GABRG3: variants seen among roughly 807,000 people sequenced by gnomAD.
The protein encoded by GABRG3 is gamma-aminobutyric acid type A receptor subunit gamma3, also known as gamma-aminobutyric acid receptor subunit gamma-3.
GABRG3 carries 25 observed loss-of-function variants against 48.8 expected under a neutral mutation model. The ratio of observed to expected loss-of-function variants is 0.51; its 90% confidence interval spans 0.37 to 0.72. The LOEUF is 0.72. Among genes scored for constraint, GABRG3 ranks in the 30% least tolerant of loss-of-function variants. GABRG3 has a pLI of 0.00. For missense variants in GABRG3, 394 were observed against 577.9 expected (o/e 0.68, Z 3.26); for synonymous variants, 227 against 217.6 (o/e 1.04, Z -0.38).
intron 3 of GABRG3, among the ~76,000 whole-genome samples, chr15:27,120,171 G>GATGCCAGATCTGCTTTTAC (rs1203888302): frequency 1.8e-4 from 28 of 152,334 alleles, no homozygotes; most frequent in Non-Finnish European, 3.1e-4. Flanking sequence ...TAGAAAGCCT[G>GATGCCAGATCTGCTTTTAC]ATGCCAGATC....
chr15:27,206,317 G>A (rs980527721), intron 3 of GABRG3, among the ~76,000 whole-genome samples: 1 of 152,132 alleles, frequency 6.6e-6, no homozygotes, highest in African/African-American at 2.4e-5. Context: ...TTACCCAAAA[G>A]TCATTCGGGG....
At chr15:27,398,268 A>G (rs1887374867) in intron 5 of GABRG3, among the ~76,000 whole-genome samples, 1 of 152,234 alleles carries the variant, frequency 6.6e-6, no homozygotes, top group Admixed American at 6.5e-5. Flanking sequence ...TGCCTGATAC[A>G]TACATATTTA....
At chr15:27,514,073 A>G (rs58745955) in intron 6 of GABRG3, among the ~76,000 whole-genome samples, 7,714 of 152,298 alleles carry the variant, frequency 0.051, 662 homozygotes, top group African/African-American at 0.18. Flanking sequence ...TCCAATCAAA[A>G]TACCAACAGT....
At chr15:27,512,778 G>A (rs975343020) in intron 6 of GABRG3, among the ~76,000 whole-genome samples, 2 of 152,126 alleles carry the variant, frequency 1.3e-5, no homozygotes, top group African/African-American at 4.8e-5. Context: ...GATGGCCAGG[G>A]GCTCCAGAAA....
rs556783289 is a variant in GABRG3 at position 27,030,435 on chromosome 15, A to T, written c.270+3614A>T. 2.0e-5 allele frequency among the ~76,000 whole-genome samples: 3 copies of T among 152,280 alleles called. No homozygotes were observed. The East Asian group carries it at 5.8e-4, about 29-fold the overall frequency. On this transcript the variant is annotated intron_variant, in intron 3 of 9. Coordinates refer to ENST00000615808, the MANE Select transcript of GABRG3 (RefSeq NM_033223.5). ...TTAATAGATTATCTTTGTCTTGTTT[A>T]TCCTGGAGCTGTTTATGCTTTTTCT...
At chr15:27,229,386 T>C (rs961741813) in intron 3 of GABRG3, among the ~76,000 whole-genome samples, 12 of 152,216 alleles carry the variant, frequency 7.9e-5, no homozygotes, top group African/African-American at 2.9e-4. Flanking sequence ...TCAGATGCTA[T>C]AGATGTGCAG....
At chr15:27,306,528 A>G (rs1013780792) in intron 3 of GABRG3, among the ~76,000 whole-genome samples, 4 of 138,022 alleles carry the variant, frequency 2.9e-5, no homozygotes, top group Non-Finnish European at 6.1e-5. Flanking sequence ...TATATAATAT[A>G]AACATAAACA....
chr15:27,088,919 C>G (rs1172065489), intron 3 of GABRG3, among the ~76,000 whole-genome samples: 1 of 152,028 alleles, frequency 6.6e-6, no homozygotes, highest in Non-Finnish European at 1.5e-5. Context: ...GGATCACAGC[C>G]TTGGCTGGGA....
chr15:27,234,372 T>A (rs945731384), intron 3 of GABRG3, among the ~76,000 whole-genome samples: 1 of 152,288 alleles, frequency 6.6e-6, no homozygotes, highest in Middle Eastern at 3.4e-3. Context: ...TGACTGGTGA[T>A]CTTTGGAGGT....
At chr15:27,433,473 A>AT (rs1415090774) in intron 5 of GABRG3, among the ~76,000 whole-genome samples, 2 of 152,074 alleles carry the variant, frequency 1.3e-5, no homozygotes, top group Non-Finnish European at 2.9e-5. Flanking sequence ...GCCTTGGCTA[A>AT]TTTTCAGAGT....
At chr15:27,161,418 GT>G (rs1887183045) in intron 3 of GABRG3, 1 of 152,118 alleles carries the variant, frequency 6.6e-6, no homozygotes, top group African/African-American at 2.4e-5. Context: ...CAGCCAACCA[GT>G]TTGTGCCACA....
intron 5 of GABRG3, among the ~76,000 whole-genome samples, chr15:27,329,342 C>T (rs1893727455): frequency 6.6e-6 from 1 of 152,142 alleles, no homozygotes; most frequent in African/African-American, 2.4e-5. Context: ...TAGCTGACTG[C>T]AACCTCTGCC....
intron 5 of GABRG3, among the ~76,000 whole-genome samples, chr15:27,426,564 C>G (rs1440854584): frequency 6.6e-6 from 1 of 152,128 alleles, no homozygotes; most frequent in Non-Finnish European, 1.5e-5. Flanking sequence ...CCAGTAATCC[C>G]AGCACTTCGG....
At chr15:27,004,540 CG>C (rs1021352404) in intron 2 of GABRG3, among the ~76,000 whole-genome samples, 1 of 151,480 alleles carries the variant, frequency 6.6e-6, no homozygotes, top group African/African-American at 2.4e-5. Flanking sequence ...ACTTCCCAGA[CG>C]GGGTGGCGGC....
At chr15:27,119,775 T>C (rs942475375) in intron 3 of GABRG3, among the ~76,000 whole-genome samples, 2 of 152,218 alleles carry the variant, frequency 1.3e-5, no homozygotes, top group African/African-American at 4.8e-5. Context: ...CAGCCACTGC[T>C]CTCAGCTCCC....
Position 26,971,447 on chromosome 15 carries a change from CAA to C in GABRG3, c.-87_-86del. ...CCAGCAGCCTCGGAGGAAGCCAGGG[CAA>C]AGAGGGCCGGCGGAGACCAGGTCCG... On this transcript the variant is annotated 5_prime_UTR_variant, in exon 1 of 10. Transcript: ENST00000615808. 1 of 1,136,354 alleles carries C rather than the reference CAA, an allele frequency of 8.8e-7. No individual in the cohort carries two copies. The highest frequency in any genetic ancestry group is 1.2e-6 in the Non-Finnish European group (1 of 845,056). The allele number at this position is 1,136,354 out of a possible 1,614,324, so 70.4% of individuals were successfully genotyped here. A position where few individuals can be genotyped will look rare whatever the true frequency, so the allele number is the denominator to read the frequency against.
intron 3 of GABRG3, among the ~76,000 whole-genome samples, chr15:27,151,603 G>A (rs925659700): frequency 6.6e-6 from 1 of 152,094 alleles, no homozygotes; most frequent in African/African-American, 2.4e-5. Context: ...TGAATTTCTT[G>A]GTTGACCCAA....
intron 3 of GABRG3, among the ~76,000 whole-genome samples, chr15:27,100,950 C>T (rs1222343448): frequency 6.6e-6 from 1 of 152,098 alleles, no homozygotes; most frequent in Non-Finnish European, 1.5e-5. Flanking sequence ...CAATGTCGCA[C>T]TGGAAGTCCT....
chr15:27,107,547 G>A (rs1475813693), intron 3 of GABRG3, among the ~76,000 whole-genome samples: 1 of 151,826 alleles, frequency 6.6e-6, no homozygotes, highest in Non-Finnish European at 1.5e-5. Context: ...GGTAATGCTG[G>A]CCTCATAAAA....
Sources: gnomAD v4.1 joint callset for allele counts (sites outside exome capture counted in the v4.1 genomes callset) on GRCh38, gnomAD v4.1.1 for gene constraint, MANE v1.5 for transcripts, NCBI Gene and HGNC (gene_info 2026-07-23, HGNC 2026-07-21) for gene names.